Variants in GALNT13 observed in about 807,000 individuals in gnomAD.
GALNT13 encodes the protein polypeptide N-acetylgalactosaminyltransferase 13, also known as UDP-GalNAc:polypeptide N-acetylgalactosaminyltransferase 13.
Under a neutral mutation model 64.2 loss-of-function variants are expected in GALNT13, and 28 were observed. The ratio of observed to expected loss-of-function variants is 0.44; its 90% CI spans 0.32 to 0.60. The LOEUF is 0.60. GALNT13 is among the 20% of genes least tolerant of loss of function. The probability of loss-of-function intolerance (pLI) is 0.05; values close to 1 mark genes in which losing one functional copy is unlikely to be tolerated. For synonymous variants in GALNT13, 214 were observed against 224.6 expected, an observed-to-expected ratio of 0.95 and a Z score of 0.42; for missense variants, 577 against 669.8, an observed-to-expected ratio of 0.86 and a Z score of 1.53.
At chr2:153,181,635 A>T in the GALNT13 span, among the ~76,000 whole-genome samples, 5 of 146,470 alleles carry the variant, frequency 3.4e-5, no homozygotes, top group Non-Finnish European at 7.5e-5. Context: ...TTATATATTT[A>T]TATAATTATA....
intron 3 of GALNT13, among the ~76,000 whole-genome samples, chr2:153,998,764 T>C (rs1327219630): frequency 6.6e-6 from 1 of 152,174 alleles, no homozygotes; most frequent in East Asian, 1.9e-4. Flanking sequence ...AGGGTTTTTA[T>C]GGTTTTAGGT....
chr2:153,917,277 A>G (rs916421548), intron 2 of GALNT13, among the ~76,000 whole-genome samples: 3 of 152,134 alleles, frequency 2.0e-5, no homozygotes, highest in African/African-American at 7.2e-5. Flanking sequence ...AAGTACACTA[A>G]TATTAAATAT....
chr2:153,863,565 C>T, the GALNT13 span, among the ~76,000 whole-genome samples: 1 of 151,892 alleles, frequency 6.6e-6, no homozygotes, highest in Non-Finnish European at 1.5e-5. Context: ...CAAGTGAAAA[C>T]CAATAAAATG....
chr2:154,444,052 T>A (rs1701440331), intron 12 of GALNT13, among the ~76,000 whole-genome samples: 1 of 152,102 alleles, frequency 6.6e-6, no homozygotes, highest in African/African-American at 2.4e-5. Flanking sequence ...AAAGTTGAGT[T>A]AATATAGCTG....
the GALNT13 span, among the ~76,000 whole-genome samples, chr2:153,835,442 A>G: frequency 6.6e-6 from 1 of 152,008 alleles, no homozygotes; most frequent in Non-Finnish European, 1.5e-5. Context: ...GGTACCAGTG[A>G]TAGTTTGAGT....
chr2:153,337,057 A>G, the GALNT13 span, among the ~76,000 whole-genome samples: 1 of 152,248 alleles, frequency 6.6e-6, no homozygotes, highest in Non-Finnish European at 1.5e-5. Flanking sequence ...AGCCATGTGG[A>G]ACTGTAAGTG....
At chr2:154,120,527 G>T (rs977121065) in intron 3 of GALNT13, among the ~76,000 whole-genome samples, 14 of 152,174 alleles carry the variant, frequency 9.2e-5, no homozygotes, top group Admixed American at 5.9e-4. Context: ...GGTCAAACCA[G>T]TGTAGCCCCT....
chr2:154,153,069 C>T (rs888978850), intron 4 of GALNT13, among the ~76,000 whole-genome samples: 4 of 152,128 alleles, frequency 2.6e-5, no homozygotes, highest in African/African-American at 9.7e-5. Flanking sequence ...GTTTTATCTA[C>T]TTCTGGTCTT....
At chr2:153,807,454 C>T in the GALNT13 span, among the ~76,000 whole-genome samples, 1 of 151,560 alleles carries the variant, frequency 6.6e-6, no homozygotes, top group Non-Finnish European at 1.5e-5. Context: ...TTAGAATGGC[C>T]ACACAATTAT....
At chr2:153,598,949 T>C in the GALNT13 span, among the ~76,000 whole-genome samples, 5 of 152,014 alleles carry the variant, frequency 3.3e-5, no homozygotes, top group Non-Finnish European at 7.4e-5. Context: ...ATGGCTCAGT[T>C]TTGTGTCTTC....
the GALNT13 span, among the ~76,000 whole-genome samples, chr2:153,660,739 T>C: frequency 9.2e-5 from 14 of 151,916 alleles, no homozygotes; most frequent in East Asian, 3.9e-4. Context: ...CAAGGCCACA[T>C]TGAAGGAGCA....
At chr2:153,750,122 A>G in the GALNT13 span, among the ~76,000 whole-genome samples, 1,797 of 152,050 alleles carry the variant, frequency 0.012, 46 homozygotes, top group African/African-American at 0.041. Flanking sequence ...GATACAATGT[A>G]TCACACTGAT....
At chr2:153,197,540 G>A in the GALNT13 span, among the ~76,000 whole-genome samples, 1 of 152,234 alleles carries the variant, frequency 6.6e-6, no homozygotes, top group Non-Finnish European at 1.5e-5. Flanking sequence ...ACTGGGACTG[G>A]GGGCCAGTGC....
chr2:153,872,619 C>CGGGGGGGGGGGGGG (rs1218155488), intron 1 of GALNT13, among the ~76,000 whole-genome samples: 3 of 16,318 alleles, frequency 1.8e-4, no homozygotes, highest in Admixed American at 7.2e-4. Flanking sequence ...TTGTTGGTGG[C>CGGGGGGGGGGGGGG]GGGGGGGGGG....
intron 4 of GALNT13, among the ~76,000 whole-genome samples, chr2:154,192,136 C>T (rs1031185436): frequency 1.3e-5 from 2 of 152,208 alleles, no homozygotes; most frequent in Non-Finnish European, 2.9e-5. Flanking sequence ...CATCATTTCA[C>T]CAGTCATGGC....
chr2:153,387,279 T>C, the GALNT13 span, among the ~76,000 whole-genome samples: 13 of 152,136 alleles, frequency 8.5e-5, no homozygotes, highest in African/African-American at 3.1e-4. Flanking sequence ...TGTTCCATCA[T>C]GATCGACTTA....
chr2:153,709,775 G>GTA, the GALNT13 span, among the ~76,000 whole-genome samples: 262 of 151,440 alleles, frequency 1.7e-3, no homozygotes, highest in Admixed American at 4.6e-3. Context: ...AGAAAATGTG[G>GTA]TATATATATA....
chr2:153,994,203 G>T (rs917351829), intron 3 of GALNT13, among the ~76,000 whole-genome samples: 17 of 152,278 alleles, frequency 1.1e-4, no homozygotes, highest in African/African-American at 3.6e-4. Flanking sequence ...TGCTGAGAAT[G>T]ATGGTTTCCA....
chr2:153,682,993 A>G, the GALNT13 span, among the ~76,000 whole-genome samples: 73,379 of 151,566 alleles, frequency 0.48, 18,187 homozygotes, highest in Admixed American at 0.53. Flanking sequence ...AAATGTAAAG[A>G]AGGATGTTAT....
Sources: gnomAD v4.1 joint callset for allele counts (sites outside exome capture counted in the v4.1 genomes callset) on GRCh38, gnomAD v4.1.1 for gene constraint, MANE v1.5 for transcripts, NCBI Gene and HGNC (gene_info 2026-07-23, HGNC 2026-07-21) for gene names.